UNKL: variants seen among roughly 807,000 people sequenced by gnomAD.
UNKL encodes the protein unk like zinc finger.
Under a neutral mutation model 78.0 loss-of-function variants are expected in UNKL, and 60 were observed. The ratio of observed to expected loss-of-function variants is 0.77; its 90% confidence interval spans 0.63 to 0.95. The LOEUF (loss-of-function observed/expected upper bound fraction) is 0.95. UNKL is among the 40% of genes least tolerant of loss of function. The pLI, the probability that UNKL is intolerant of heterozygous loss-of-function variation, is 0.00. For synonymous variants in UNKL, 608 were observed against 474.8 expected, an observed-to-expected ratio of 1.28 and a Z score of -3.65; for missense variants, 1,159 against 1,045.7, an observed-to-expected ratio of 1.11 and a Z score of -1.49.
At chr16:1,406,724 A>G (rs2037780545) in intron 2 of UNKL, among the ~76,000 whole-genome samples, 1 of 152,174 alleles carries the variant, frequency 6.6e-6, no homozygotes, top group African/African-American at 2.4e-5. Context: ...TCATCATGAG[A>G]TCAGTTTAAA....
rs1020507746 is a variant in UNKL, at chr16:1,413,733, T to C, written c.287+113A>G. ...ATTTCAGCGTATAATTACGACTCCC[T>C]CTGCAGGGGCCAGGTATGGACACTA... On this transcript the variant is annotated intron_variant, in intron 2 of 14. Transcript: ENST00000389221. 6 of 1,211,050 alleles carry C rather than the reference T, an allele frequency of 5.0e-6. No homozygotes were observed. The African/African-American group carries it at 9.2e-5, about 19-fold the overall frequency. The allele number at this position is 1,211,050 out of a possible 1,614,324, so 75.0% of individuals were successfully genotyped here.
intron 9 of UNKL, among the ~76,000 whole-genome samples, chr16:1,388,283 G>C (rs2036902036): frequency 6.6e-6 from 1 of 152,164 alleles, no homozygotes; most frequent in Non-Finnish European, 1.5e-5. Context: ...AAGCAGCACT[G>C]ATCTGAGGGC....
At position 1,400,022 on chromosome 16, in the gene UNKL, C is replaced by T. The variant is rs868625174; in HGVS notation, c.599-513G>A. ...CGTACCTCGCAGTGCAGGAGGTGCA[C>T]GGCAGGGGAGGCTGAGGGGGCAGGG... On this transcript the variant is annotated intron_variant, in intron 4 of 14. Coordinates refer to ENST00000389221, the MANE Select transcript of UNKL (RefSeq NM_001372107.1). Among the ~76,000 whole-genome samples the T allele has an allele frequency of 1.4e-4, 22 of 152,216 alleles. No individual in the cohort carries two copies. In the South Asian group the frequency reaches 2.5e-3, roughly 17 times the overall value.
At chr16:1,398,130 C>T (rs929049445) in intron 5 of UNKL, among the ~76,000 whole-genome samples, 5 of 152,316 alleles carry the variant, frequency 3.3e-5, no homozygotes, top group South Asian at 2.1e-4. Flanking sequence ...GCTGTCTCCT[C>T]GCCAACTTTC....
intron 6 of UNKL, chr16:1,395,919 G>A (rs188527504): frequency 6.7e-4 from 250 of 375,766 alleles, no homozygotes; most frequent in African/African-American, 4.9e-3. Flanking sequence ...GTCCTTCCCA[G>A]CCCCTGCACG....
rs1054239025 is a variant in UNKL at position 1,392,932 on chromosome 16, G to A, written c.982C>T (p.Leu328Phe). The change falls in exon 8 of 15, where the codon CTC becomes TTC. Residue 328 changes from leucine (L) to phenylalanine (F), a missense_variant. By Grantham distance (22) the Leu-to-Phe change is conservative. Transcript: ENST00000389221. ...VNEWGCHDLH[L>F]TSPSSTGSGQ... ...CTGCCCGTGGAGGAAGGACTCGTGA[G>A]GTGGAGGTCGTGACAGCCCCATTCA... The A allele has an allele frequency of 1.3e-6, 2 of 1,550,466 alleles. No homozygotes were observed. Among genetic ancestry groups the A allele is most frequent in the Non-Finnish European group, 1.7e-6 (2 of 1,147,012 alleles).
Position 1,403,273 on chromosome 16 carries a change from G to C in UNKL, c.359C>G (p.Thr120Ser), listed in dbSNP as rs1319561020. ...ACGTGCGTCTGTCTCGTGGATGCAGGTTCCTGTTTTGTAGTAACGCAGGTG... is the reference window on the plus strand; with the variant it reads ...ACGTGCGTCTGTCTCGTGGATGCAGCTTCCTGTTTTGTAGTAACGCAGGTG... ...KYHLRYYKTG[T>S]CIHETDARGH... is the part of the protein sequence containing the mutation. The change falls in exon 3 of 15, where the codon ACC (threonine) becomes AGC (serine). Residue 120 changes from threonine (T) to serine (S), a missense_variant. Physicochemically the swap from Thr to Ser is moderately conservative, Grantham distance 58. Transcript: ENST00000389221. This position sits in a 1 kb window ranked among gnomAD's most constrained non-coding sequence, Gnocchi z 4.8. The C allele has an allele frequency of 1.2e-6, 2 of 1,614,236 alleles. No individual in the cohort carries two copies. The highest frequency in any genetic ancestry group is 1.7e-6 in the Non-Finnish European group (2 of 1,180,048).
At chr16:1,395,960 TTAGA>T in intron 6 of UNKL, 1 of 356,844 alleles carries the variant, frequency 2.8e-6, no homozygotes, top group South Asian at 2.0e-5. Flanking sequence ...TTTACTTTTT[TTAGA>T]TAGAGTCTTG....
In UNKL at chr16:1,399,668, G is replaced by A; in HGVS notation, c.599-159C>T. ...CGCCACGGCACACGCTGATGTCAAA[G>A]GACTCGCGCTCCATGAGGGAAGCCG... On this transcript the variant is annotated intron_variant, in intron 4 of 14. Transcript: ENST00000389221. This position sits in a 1 kb window ranked among gnomAD's most constrained non-coding sequence, Gnocchi z 5.8. 9.1e-7 allele frequency: 1 copy of A among 1,102,620 alleles called. No homozygotes were observed. 68.3% of individuals were successfully genotyped at this position (1,102,620 alleles called of 1,614,324 possible). A position where few individuals can be genotyped will look rare whatever the true frequency, so the allele number is the denominator to read the frequency against.
At chr16:1,383,927 C>A in intron 10 of UNKL, 1 of 330,626 alleles carries the variant, frequency 3.0e-6, no homozygotes, top group South Asian at 2.2e-5. Context: ...GGGGTGGGCT[C>A]CAGGGCTGCA....
chr16:1,364,207 A>G lies in UNKL; in HGVS notation c.*2033T>C, dbSNP rs2035052210. 6.6e-6 allele frequency: 1 copy of G among 152,264 alleles called. No homozygotes were observed. Among genetic ancestry groups the G allele is most frequent in the Non-Finnish European group, 1.5e-5 (1 of 68,046 alleles). 9.4% of individuals were successfully genotyped at this position (152,264 alleles called of 1,614,324 possible). On this transcript the variant is annotated 3_prime_UTR_variant, in exon 15 of 15. Transcript: ENST00000389221. ...ATAGATTCACTGAAACCAAGTCGAT[A>G]GTTACCTTGGAGTAGTGGACTAGCT...
At chr16:1,409,619 G>A (rs942393926) in intron 2 of UNKL, among the ~76,000 whole-genome samples, 1 of 152,042 alleles carries the variant, frequency 6.6e-6, no homozygotes, top group African/African-American at 2.4e-5. Flanking sequence ...CAGACAGCAG[G>A]CTAATATTTT....
rs774495634 is a variant in UNKL at position 1,401,557 on chromosome 16, C to T, written c.598+11G>A. On this transcript the variant is annotated intron_variant, in intron 4 of 14. Coordinates refer to ENST00000389221, the MANE Select transcript of UNKL (RefSeq NM_001372107.1). ...CCCCACCACCGCCCTCAGCTGCGGC[C>T]GTGGAGTTACCTTGCCACCGGGGGT... 17 of 1,558,012 alleles carry T rather than the reference C, an allele frequency of 1.1e-5. No individual in the cohort carries two copies. Among genetic ancestry groups the T allele is most frequent in the South Asian group, 8.2e-5 (7 of 85,460 alleles).
chr16:1,379,490 C>T (rs953131937), intron 10 of UNKL: 27 of 985,260 alleles, frequency 2.7e-5, no homozygotes, highest in Admixed American at 1.2e-4. Context: ...CCCGGGCCCA[C>T]CCCGCGGCTG....
intron 10 of UNKL, chr16:1,379,527 A>ACGCACCTGGCGGGGGG (rs1567213571): frequency 1.0e-6 from 1 of 984,558 alleles, no homozygotes; most frequent in African/African-American, 1.8e-5. Context: ...GACGCGGGGG[A>ACGCACCTGGCGGGGGG]CGCACCTGGC....
intron 9 of UNKL, among the ~76,000 whole-genome samples, chr16:1,388,400 C>T (rs970132132): frequency 5.3e-5 from 8 of 152,286 alleles, no homozygotes; most frequent in Middle Eastern, 3.4e-3. Flanking sequence ...GCCTCCTTCC[C>T]GCCTGTCTGC....
At chr16:1,367,428 T>A in intron 13 of UNKL, 79 bp from the exon 14 acceptor site, 1 of 1,450,996 alleles carries the variant, frequency 6.9e-7, no homozygotes, top group Non-Finnish European at 9.1e-7. Context: ...TCACCAGCGA[T>A]CCTCCCCTCC....
chr16:1,390,957 G>A (rs895173377), intron 8 of UNKL, among the ~76,000 whole-genome samples: 3 of 152,134 alleles, frequency 2.0e-5, no homozygotes, highest in Non-Finnish European at 2.9e-5. Flanking sequence ...TTGAACCCAG[G>A]AGGTGGAGGT....
At chr16:1,404,604 G>C (rs2037666871) in intron 2 of UNKL, among the ~76,000 whole-genome samples, 1 of 152,180 alleles carries the variant, frequency 6.6e-6, no homozygotes, top group Admixed American at 6.5e-5. Flanking sequence ...CAGCGATCCT[G>C]CTCCTAAGTA....
Sources: gnomAD v4.1 joint callset for allele counts (sites outside exome capture counted in the v4.1 genomes callset) on GRCh38, gnomAD v4.1.1 for gene constraint, Gnocchi (gnomAD v3.1) non-coding constraint, MANE v1.5 for transcripts, NCBI Gene and HGNC (gene_info 2026-07-23, HGNC 2026-07-21) for gene names.